The following PARP10 variants were observed in gnomAD, a reference collection of about 807,000 sequenced individuals.
PARP10 encodes the protein protein mono-ADP-ribosyltransferase PARP10.
PARP10 carries 56 observed loss-of-function variants against 82.4 expected under a neutral mutation model. The observed-to-expected ratio is 0.68, with a 90% CI of 0.55 to 0.85. PARP10 has a LOEUF of 0.85. Ranked by LOEUF, PARP10 falls within the 40% of genes least tolerant of loss-of-function variation. The pLI, the probability that PARP10 is intolerant of heterozygous loss-of-function variation, is 0.00. For missense variants in PARP10, 1,227 were observed against 1,379.4 expected (o/e 0.89, Z 1.75); for synonymous variants, 576 against 601.1 (o/e 0.96, Z 0.61).
intron 9 of PARP10, among the ~76,000 whole-genome samples, chr8:143,982,222 C>T (rs1554747927): frequency 6.6e-6 from 1 of 152,170 alleles, no homozygotes; most frequent in Non-Finnish European, 1.5e-5. Flanking sequence ...GTAATCCCAG[C>T]ACTTTGGGAG....
At chr8:143,992,304 C>A, upstream of PARP10, 1 of 1,589,422 alleles carries the variant, frequency 6.3e-7, no homozygotes, top group Non-Finnish European at 8.6e-7. Context: ...TCTACAACAC[C>A]GAGGCAGTCA....
chr8:144,008,142 G>A lies in PARP10; in HGVS notation c.-80+4388C>T, dbSNP rs1490804278. Reference sequence around the variant, plus strand: ...GGTTCAACATGGCCACGGCAGGCAGGATTGAAATGTTCGCATGGCCAGTAC... The same window carrying A: ...GGTTCAACATGGCCACGGCAGGCAGAATTGAAATGTTCGCATGGCCAGTAC... On this transcript the variant is annotated intron_variant, in intron 1 of 3. Transcript: ENST00000530478. The surrounding 1 kb of genome is among the most constrained non-coding windows in gnomAD (Gnocchi z 4.0). Among the ~76,000 whole-genome samples, 1 of 152,160 alleles carries A rather than the reference G, an allele frequency of 6.6e-6. No homozygotes were observed. Among genetic ancestry groups the A allele is most frequent in the Non-Finnish European group, 1.5e-5 (1 of 68,032 alleles).
At chr8:143,980,318 TCAAAAAAAAAAAAAAAAA>T (rs1341599677) in intron 9 of PARP10, among the ~76,000 whole-genome samples, 1 of 15,666 alleles carries the variant, frequency 6.4e-5, no homozygotes, top group African/African-American at 1.4e-4. Context: ...AGATTCCGTC[TCAAAAAAAAAAAAAAAAA>T]AAAAAAAAAA....
At chr8:144,005,711 T>TACCC in intron 1 of PARP10, among the ~76,000 whole-genome samples, 1 of 151,992 alleles carries the variant, frequency 6.6e-6, no homozygotes, top group African/African-American at 2.4e-5. Context: ...CCAAGCCTGC[T>TACCC]ACCCACCCCA....
chr8:144,000,863 G>A (rs115679325), intron 1 of PARP10, among the ~76,000 whole-genome samples: 5,784 of 151,116 alleles, frequency 0.038, 389 homozygotes, highest in African/African-American at 0.13. Context: ...TCTGGGCAAC[G>A]TGGTGAGACC....
rs529929980 is a variant in PARP10 at position 144,008,238 on chromosome 8, G to A, written c.-80+4292C>T. On this transcript the variant is annotated intron_variant, in intron 1 of 3. Coordinates refer to the PARP10 transcript ENST00000530478. The surrounding 1 kb of genome is among the most constrained non-coding windows in gnomAD (Gnocchi z 4.0). ...AGCGCACCCAGCATGGAGGCAGCAC[G>A]TTGGGGCCTGTCAGGTGGATGGAAC... Among the ~76,000 whole-genome samples, 1 of 152,188 alleles carries A rather than the reference G, an allele frequency of 6.6e-6. No individual in the cohort carries two copies. Among genetic ancestry groups the A allele is most frequent in the Non-Finnish European group, 1.5e-5 (1 of 68,028 alleles).
upstream of PARP10, among the ~76,000 whole-genome samples, chr8:143,994,775 C>T (rs1237982364): frequency 6.6e-6 from 1 of 152,162 alleles, no homozygotes; most frequent in African/African-American, 2.4e-5. Context: ...TCCCCCTTCC[C>T]CCACCTCCCC....
At chr8:143,980,319 CAAAAAA>C (rs564801582) in intron 9 of PARP10, among the ~76,000 whole-genome samples, 1 of 16,080 alleles carries the variant, frequency 6.2e-5, no homozygotes, top group African/African-American at 1.1e-4. Flanking sequence ...GATTCCGTCT[CAAAAAA>C]AAAAAAAAAA....
upstream of PARP10, chr8:143,990,811 T>A (rs2133061947): frequency 6.5e-6 from 1 of 152,876 alleles, no homozygotes; most frequent in South Asian, 1.9e-4. This position sits in a 1 kb window ranked among gnomAD's most constrained non-coding sequence, Gnocchi z 5.6. Flanking sequence ...GAGGGGAGGG[T>A]CCGGGCACAC....
upstream of PARP10, chr8:143,991,516 G>A: frequency 6.5e-7 from 1 of 1,544,994 alleles, no homozygotes; most frequent in East Asian, 2.3e-5. Context: ...CCCCAAGGGG[G>A]CTACCCCCAG....
chr8:143,998,890 C>T (rs1834180035), intron 1 of PARP10, among the ~76,000 whole-genome samples: 1 of 151,604 alleles, frequency 6.6e-6, no homozygotes, highest in African/African-American at 2.4e-5. Flanking sequence ...TTTGAGGCTG[C>T]AGTGAGTCAT....
At chr8:143,995,411 G>A (rs1834157754), upstream of PARP10, among the ~76,000 whole-genome samples, 1 of 152,214 alleles carries the variant, frequency 6.6e-6, no homozygotes, top group Admixed American at 6.5e-5. Context: ...GAAGGCCAGT[G>A]GGATGTGTCT....
intron 1 of PARP10, among the ~76,000 whole-genome samples, chr8:144,003,284 A>T (rs1449765925): frequency 6.6e-6 from 1 of 152,080 alleles, no homozygotes; most frequent in African/African-American, 2.4e-5. Context: ...TTAGCCAGGC[A>T]TGGTGGCACA....
intron 1 of PARP10, among the ~76,000 whole-genome samples, chr8:144,009,616 C>G (rs557973152): frequency 6.6e-6 from 1 of 152,166 alleles, no homozygotes; most frequent in Non-Finnish European, 1.5e-5. Flanking sequence ...TTCTCCTCTA[C>G]GACCTGGAGC....
At chr8:143,982,669 A>T (rs1042280710) in intron 9 of PARP10, among the ~76,000 whole-genome samples, 4 of 152,212 alleles carry the variant, frequency 2.6e-5, no homozygotes, top group African/African-American at 9.6e-5. Context: ...CTGGTCCCAT[A>T]GTCCCTGCTG....
Position 143,977,726 on chromosome 8 carries a change from C to G in PARP10, c.2836G>C (p.Ala946Pro). ...NADGHKAVFV[A>P]RVLTGDYGQG... The stretch of plus-strand genomic sequence containing the variant: ...CCGTAGTCGCCAGTCAGCACCCGTG[C>G]CACGAACACCGCCTTATGGCCATCG... The change falls in exon 11 of 11, where the codon GCA (alanine) becomes CCA (proline). Residue 946 changes from alanine to proline, a missense_variant. Transcript: ENST00000313028. The G allele has an allele frequency of 6.2e-7, 1 of 1,600,380 alleles. No individual in the cohort carries two copies. The highest frequency in any genetic ancestry group is 8.5e-7 in the Non-Finnish European group (1 of 1,174,312).
chr8:143,988,609 G>T (rs533698308), upstream of PARP10, among the ~76,000 whole-genome samples: 5 of 151,852 alleles, frequency 3.3e-5, no homozygotes, highest in African/African-American at 1.2e-4. Flanking sequence ...GGGATTACAG[G>T]TGCACACCAC....
Position 143,983,541 on chromosome 8 carries a change from A to G in PARP10, c.2048T>C (p.Leu683Pro). Residue 683 changes from leucine (L) to proline (P), a missense_variant, in exon 8 of 11, where the codon CTA becomes CCA. Coordinates refer to ENST00000313028, the MANE Select transcript of PARP10 (RefSeq NM_032789.5). ...QEEAAALRQALTLSLLEQPPL... is the reference protein window; with the variant it reads ...QEEAAALRQAPTLSLLEQPPL... ...GGGCTGCTCCAGCAGGGAGAGGGTTAGGGCTTGCCGCAGGGCAGCAGCCTC... is the reference window on the plus strand; with the variant it reads ...GGGCTGCTCCAGCAGGGAGAGGGTTGGGGCTTGCCGCAGGGCAGCAGCCTC... 1 of 1,606,748 alleles carries G rather than the reference A, an allele frequency of 6.2e-7. No homozygotes were observed.
chr8:144,002,518 T>C (rs1834209319), intron 1 of PARP10, among the ~76,000 whole-genome samples: 1 of 152,090 alleles, frequency 6.6e-6, no homozygotes, highest in South Asian at 2.1e-4. Context: ...AGCCCTGATA[T>C]CAGGACATAT....
Sources: gnomAD v4.1 joint callset for allele counts (sites outside exome capture counted in the v4.1 genomes callset) on GRCh38, gnomAD v4.1.1 for gene constraint, Gnocchi (gnomAD v3.1) non-coding constraint, MANE v1.5 for transcripts, NCBI Gene and HGNC (gene_info 2026-07-23, HGNC 2026-07-21) for gene names.